Variants in UBAP2 observed in about 807,000 individuals in gnomAD.
The protein encoded by UBAP2 is ubiquitin-associated protein 2.
In UBAP2, 75 loss-of-function variants were observed where a neutral mutation model predicts 139.6. That is an observed-to-expected ratio of 0.54 (90% CI 0.45 to 0.65). The LOEUF (loss-of-function observed/expected upper bound fraction) is 0.65. Among genes scored for constraint, UBAP2 ranks in the 30% least tolerant of loss-of-function variants. UBAP2 has a pLI of 0.00. For missense variants in UBAP2, 1,368 were observed against 1,369.6 expected (o/e 1.00, Z 0.02); for synonymous variants, 526 against 526.2 (o/e 1.00, Z 0.01).
chr9:34,018,311 CTGTAACACTATAAT>C (rs1824575909), intron 1 of UBAP2, among the ~76,000 whole-genome samples: 1 of 150,764 alleles, frequency 6.6e-6, no homozygotes, highest in Non-Finnish European at 1.5e-5. Flanking sequence ...TCTAAAAGAG[CTGTAACACTATAAT>C]TGTTTTTTTG....
intron 4 of UBAP2, chr9:33,995,450 T>C (rs953851135): frequency 7.2e-6 from 1 of 138,592 alleles, no homozygotes; most frequent in African/African-American, 2.7e-5. Context: ...TTATAAATAT[T>C]ATATATAATA....
chr9:34,042,403 G>A (rs955964350), intron 1 of UBAP2, among the ~76,000 whole-genome samples: 2 of 150,710 alleles, frequency 1.3e-5, no homozygotes, highest in Admixed American at 6.7e-5. Context: ...GCTTGAACTT[G>A]GGAGGTGGAG....
Position 33,922,610 on chromosome 9 carries a change from G to A in UBAP2, c.3265-11C>T, listed in dbSNP as rs1823000439. ...CTGACCCGAGCCACTCTGAGGAAGA[G>A]GAGAAGGGAAGGCTGTCAAGGCTGG... On this transcript the variant is annotated splice_polypyrimidine_tract_variant and intron_variant, in intron 28 of 28. Transcript: ENST00000379238. 1.2e-5 allele frequency: 19 copies of A among 1,611,368 alleles called. No individual in the cohort carries two copies. Among genetic ancestry groups the A allele is most frequent in the Non-Finnish European group, 1.6e-5 (19 of 1,178,462 alleles).
intron 1 of UBAP2, among the ~76,000 whole-genome samples, chr9:34,024,359 G>C (rs1174148272): frequency 1.3e-5 from 2 of 150,568 alleles, no homozygotes; most frequent in African/African-American, 4.9e-5. Context: ...AAAAAAAATA[G>C]CAAATACATT....
chr9:33,924,045 G>A (rs1823196909), intron 23 of UBAP2, 45 bp from the exon 24 acceptor site: 1 of 1,608,310 alleles, frequency 6.2e-7, no homozygotes, highest in Non-Finnish European at 8.5e-7. Flanking sequence ...CCTCCAACCA[G>A]AGAAAGGCCA....
intron 13 of UBAP2, among the ~76,000 whole-genome samples, chr9:33,947,486 T>G (rs1358550191): frequency 6.6e-6 from 1 of 152,168 alleles, no homozygotes; most frequent in African/African-American, 2.4e-5. Context: ...TAGTTGATAC[T>G]TCAAAATGTT....
chr9:34,009,068 C>A (rs1034821579), intron 2 of UBAP2, among the ~76,000 whole-genome samples: 4 of 148,088 alleles, frequency 2.7e-5, no homozygotes, highest in Non-Finnish European at 5.9e-5. Flanking sequence ...TAAAATTATT[C>A]CAAAATAATT....
At chr9:34,003,024 A>G (rs957674843) in intron 2 of UBAP2, among the ~76,000 whole-genome samples, 4 of 151,710 alleles carry the variant, frequency 2.6e-5, no homozygotes, top group African/African-American at 4.8e-5. Flanking sequence ...TATTACTACT[A>G]AAACACTGCC....
chr9:33,956,211 C>A, intron 10 of UBAP2, 65 bp from the exon 11 acceptor site: 1 of 1,219,080 alleles, frequency 8.2e-7, no homozygotes, highest in South Asian at 1.2e-5. Context: ...CACTGACTTC[C>A]TGATCATTTG....
chr9:34,037,200 G>A (rs925658418), intron 1 of UBAP2, among the ~76,000 whole-genome samples: 10 of 152,066 alleles, frequency 6.6e-5, no homozygotes, highest in Non-Finnish European at 1.3e-4. Context: ...GTTTTAGCCA[G>A]GATGGTCTCG....
intron 4 of UBAP2, among the ~76,000 whole-genome samples, chr9:33,994,286 A>T (rs1821963554): frequency 6.6e-6 from 1 of 152,154 alleles, no homozygotes; most frequent in South Asian, 2.1e-4. Context: ...AGAAAGAGAA[A>T]ACTGGACATT....
In UBAP2 at chr9:33,923,853, G is replaced by A. The variant is rs749965526; in HGVS notation, c.2738C>T (p.Thr913Ile). The A allele has an allele frequency of 2.5e-6, 4 of 1,614,132 alleles. No individual in the cohort carries two copies. The highest frequency in any genetic ancestry group is 1.3e-5 in the African/African-American group (1 of 74,938). ...NPALPPGYSY[T>I]GLPYYTGMPS... ...CATGCCTGTGTAGTAGGGAAGACCA[G>A]TGTAGCTATAGCCAGGTGGCAGTGC... The change falls in exon 24 of 29, where the codon ACT (threonine) becomes ATT (isoleucine). Residue 913 changes from threonine (T) to isoleucine (I), a missense_variant. Transcript: ENST00000379238.
chr9:33,950,946 A>G (rs1366094919), intron 12 of UBAP2, among the ~76,000 whole-genome samples: 1 of 152,224 alleles, frequency 6.6e-6, no homozygotes, highest in African/African-American at 2.4e-5. Context: ...CCAAATCCCA[A>G]TCCCAAAGAT....
chr9:33,939,868 GGAGGA>G (rs1303477449), intron 16 of UBAP2, among the ~76,000 whole-genome samples: 1 of 2,598 alleles, frequency 3.8e-4, no homozygotes, highest in African/African-American at 1.1e-3. Flanking sequence ...GGGAGGAGGA[GGAGGA>G]GGGGAGGAGG....
intron 19 of UBAP2, chr9:33,928,350 T>C (rs187389691): frequency 3.5e-4 from 76 of 219,686 alleles, no homozygotes; most frequent in African/African-American, 1.7e-3. Context: ...ACAGACTATC[T>C]GAATATGGGA....
At chr9:33,945,993 A>G (rs1474111354) in intron 13 of UBAP2, among the ~76,000 whole-genome samples, 2 of 152,248 alleles carry the variant, frequency 1.3e-5, no homozygotes, top group South Asian at 2.1e-4. Flanking sequence ...ATTTTGATAA[A>G]TATTATAAAA....
intron 8 of UBAP2, among the ~76,000 whole-genome samples, chr9:33,969,216 T>C (rs188777683): frequency 2.0e-3 from 303 of 152,280 alleles, no homozygotes; most frequent in African/African-American, 7.1e-3. Context: ...TTTTCCTTTC[T>C]TTTGGGTATG....
chr9:33,946,249 C>T (rs527795092), intron 13 of UBAP2, among the ~76,000 whole-genome samples: 1 of 152,102 alleles, frequency 6.6e-6, no homozygotes, highest in Non-Finnish European at 1.5e-5. Context: ...AGGAAATTAA[C>T]TCTTTTTGTC....
chr9:34,048,916 A>C (rs1827877446), upstream of UBAP2: 1 of 152,066 alleles, frequency 6.6e-6, no homozygotes, highest in Admixed American at 6.5e-5. Flanking sequence ...GCGGCGGCAC[A>C]GGCTGCCCAA....
Sources: allele counts gnomAD v4.1 joint callset (sites outside exome capture counted in the v4.1 genomes callset), GRCh38; gene constraint gnomAD v4.1.1; transcripts MANE v1.5; gene names NCBI Gene and HGNC (gene_info 2026-07-23, HGNC 2026-07-21).